Variants in CDH23 observed in about 807,000 individuals in gnomAD.
CDH23 encodes cadherin-23.
CDH23 carries 189 observed loss-of-function variants against 317.1 expected under a neutral mutation model. That is an observed-to-expected ratio of 0.60 (90% CI 0.53 to 0.67). CDH23 has a LOEUF of 0.67. Ranked by LOEUF, CDH23 falls within the 30% of genes least tolerant of loss-of-function variation. The pLI, the probability that CDH23 is intolerant of heterozygous loss-of-function variation, is 0.00. For synonymous variants in CDH23, 1,839 were observed against 1,876.8 expected (o/e 0.98, Z 0.52); for missense variants, 4,401 against 4,592.4 (o/e 0.96, Z 1.20).
rs536245252 is a variant in CDH23, at chr10:71,581,460, T to TA, written c.832+3470dup. On this transcript the variant is annotated intron_variant, in intron 9 of 69. Coordinates refer to ENST00000224721, the MANE Select transcript of CDH23 (RefSeq NM_022124.6). ...CCACAATGGATCCGTGGCCCACAGT[T>TA]AACTTGCCCAGTCCCCTGAGGCCCT... Among the ~76,000 whole-genome samples the TA allele has an allele frequency of 2.6e-5, 4 of 152,176 alleles. No homozygotes were observed. In the South Asian group the frequency reaches 8.3e-4, roughly 32 times the overall value.
intron 3 of CDH23, among the ~76,000 whole-genome samples, chr10:71,463,492 C>T (rs573225065): frequency 6.6e-6 from 1 of 152,362 alleles, no homozygotes; most frequent in South Asian, 2.1e-4. Context: ...TGCCATTCTT[C>T]CTGCTCCAGA....
At chr10:71,492,520 C>T (rs1651423890) in intron 3 of CDH23, among the ~76,000 whole-genome samples, 1 of 152,210 alleles carries the variant, frequency 6.6e-6, no homozygotes, top group African/African-American at 2.4e-5. Flanking sequence ...CAGGACGCTC[C>T]TTGGGATGTG....
At position 71,751,824 on chromosome 10, in the gene CDH23, A is replaced by T; in HGVS notation, c.4845+9903A>T. On this transcript the variant is annotated intron_variant, in intron 38 of 69. Transcript: ENST00000224721. The surrounding 1 kb of genome is among the most constrained non-coding windows in gnomAD (Gnocchi z 4.9). Reference sequence around the variant, plus strand: ...TCGGGTATCCCCTGGGCAGGTGGTGAGGCTTCAAAGCCGGGGTTTTCAATC... The same window carrying T: ...TCGGGTATCCCCTGGGCAGGTGGTGTGGCTTCAAAGCCGGGGTTTTCAATC... The T allele has an allele frequency of 6.4e-7, 1 of 1,570,368 alleles. No individual in the cohort carries two copies. Among genetic ancestry groups the T allele is most frequent in the Non-Finnish European group, 8.6e-7 (1 of 1,159,506 alleles).
At chr10:71,415,388 C>T (rs918493711) in intron 1 of CDH23, among the ~76,000 whole-genome samples, 1 of 152,194 alleles carries the variant, frequency 6.6e-6, no homozygotes, top group African/African-American at 2.4e-5. Context: ...CCACTGTGCC[C>T]AGCCATCCGT....
intron 6 of CDH23, among the ~76,000 whole-genome samples, chr10:71,525,673 G>C (rs1199430721): frequency 6.6e-6 from 1 of 152,164 alleles, no homozygotes; most frequent in East Asian, 1.9e-4. Context: ...CAGGTACGGG[G>C]TGCTGGTGGT....
intron 41 of CDH23, among the ~76,000 whole-genome samples, chr10:71,780,776 A>G (rs1840931178): frequency 1.3e-5 from 2 of 152,154 alleles, no homozygotes; most frequent in African/African-American, 4.8e-5. Context: ...GTGAAGGAAA[A>G]GGAGCAGGGA....
At chr10:71,526,219 C>T (rs189364738) in intron 6 of CDH23, among the ~76,000 whole-genome samples, 12 of 152,338 alleles carry the variant, frequency 7.9e-5, no homozygotes, top group Non-Finnish European at 1.3e-4. Flanking sequence ...TTCCTCTAGG[C>T]GGTAGAATTG....
chr10:71,709,046 C>A, intron 26 of CDH23, 52 bp from the exon 27 acceptor site: 1 of 1,551,526 alleles, frequency 6.4e-7, no homozygotes, highest in Non-Finnish European at 8.9e-7. Flanking sequence ...CCCGCTTCCC[C>A]TGGCCGGGAG....
At chr10:71,701,870 C>G (rs1029823270) in intron 22 of CDH23, among the ~76,000 whole-genome samples, 152 bp from the exon 23 acceptor site, 2 of 152,124 alleles carry the variant, frequency 1.3e-5, no homozygotes, top group Non-Finnish European at 2.9e-5. Context: ...CTCGGACCCC[C>G]CTACCGGGCC....
At chr10:71,503,425 C>T (rs1853449204) in intron 3 of CDH23, among the ~76,000 whole-genome samples, 1 of 152,242 alleles carries the variant, frequency 6.6e-6, no homozygotes, top group African/African-American at 2.4e-5. Context: ...ACTCTCTCTT[C>T]CCGTTGTGGC....
chr10:71,533,892 T>C (rs898760257), intron 6 of CDH23, among the ~76,000 whole-genome samples: 1 of 151,056 alleles, frequency 6.6e-6, no homozygotes, highest in African/African-American at 2.5e-5. Flanking sequence ...AGAGATCTCA[T>C]CCCACTTCCT....
At chr10:71,631,097 T>C (rs1446763237) in intron 11 of CDH23, among the ~76,000 whole-genome samples, 1 of 152,004 alleles carries the variant, frequency 6.6e-6, no homozygotes, top group East Asian at 1.9e-4. Context: ...AATTCAAAAT[T>C]AGCTAGGCAT....
chr10:71,586,788 T>A (rs2166636), intron 9 of CDH23, among the ~76,000 whole-genome samples: 2,935 of 152,362 alleles, frequency 0.019, 215 homozygotes, highest in East Asian at 0.18. Context: ...GTCTTTGAAC[T>A]TTATTTTACA....
intron 38 of CDH23, among the ~76,000 whole-genome samples, chr10:71,768,124 G>A (rs895470066): frequency 7.2e-5 from 11 of 152,204 alleles, no homozygotes; most frequent in African/African-American, 2.7e-4. Flanking sequence ...CTCTGTGCCA[G>A]GCATCATTCT....
rs529161461 is a variant in CDH23 at position 71,677,569 on chromosome 10, C to T, written c.1628C>T (p.Thr543Ile). ...GCCCGGGACGGGGGCGGCGAGGAGA[C>T]CACAGGCCGGGTCAGGATCAATGTG... ...IIARDGGGEETTGRVRINVLD... is the reference protein window; with the variant it reads ...IIARDGGGEEITGRVRINVLD... Residue 543 changes from threonine (T) to isoleucine (I), a missense_variant, in exon 16 of 70, where the codon ACC becomes ATC. By Grantham distance (89) the Thr-to-Ile change is moderately conservative. Coordinates refer to ENST00000224721, the MANE Select transcript of CDH23 (RefSeq NM_022124.6). 6.2e-7 allele frequency: 1 copy of T among 1,611,094 alleles called. No homozygotes were observed. The highest frequency in any genetic ancestry group is 8.5e-7 in the Non-Finnish European group (1 of 1,179,014).
chr10:71,809,556 T>C (rs1428179976), intron 60 of CDH23, among the ~76,000 whole-genome samples: 1 of 152,072 alleles, frequency 6.6e-6, no homozygotes, highest in East Asian at 1.9e-4. Context: ...TCAGAAATGG[T>C]CCTTCGCACC....
At position 71,615,619 on chromosome 10, in the gene CDH23, G is replaced by A; in HGVS notation, c.945+3G>A. ...ATGGCTTCATCCTGACTGTGAAGGT[G>A]AGACCTGGGTGGGCACCTTCACCCC... On this transcript the variant is annotated splice_donor_region_variant and intron_variant, in intron 10 of 69. Transcript: ENST00000224721. The A allele has an allele frequency of 1.9e-6, 3 of 1,610,322 alleles. No individual in the cohort carries two copies. The highest frequency in any genetic ancestry group is 2.5e-6 in the Non-Finnish European group (3 of 1,176,696).
intron 14 of CDH23, among the ~76,000 whole-genome samples, chr10:71,655,164 A>G (rs1863364493): frequency 6.6e-6 from 1 of 152,088 alleles, no homozygotes; most frequent in Admixed American, 6.6e-5. Context: ...GCCTGGGACG[A>G]GCTCTCCGTG....
At chr10:71,495,211 C>T (rs74145011) in intron 3 of CDH23, among the ~76,000 whole-genome samples, 4,565 of 152,248 alleles carry the variant, frequency 0.03, 222 homozygotes, top group African/African-American at 0.1. Flanking sequence ...TCATTCTCAA[C>T]GTGATGTATT....
Sources: allele counts gnomAD v4.1 joint callset (sites outside exome capture counted in the v4.1 genomes callset), GRCh38; gene constraint gnomAD v4.1.1; non-coding constraint Gnocchi (gnomAD v3.1); transcripts MANE v1.5; gene names NCBI Gene and HGNC (gene_info 2026-07-23, HGNC 2026-07-21).